The following POF1B variants were observed in gnomAD, a reference collection of about 807,000 sequenced individuals.
POF1B encodes POF1B actin binding protein.
Under a neutral mutation model 55.3 loss-of-function variants are expected in POF1B, and 53 were observed. The observed-to-expected ratio is 0.96, with a 90% CI of 0.77 to 1.20. The LOEUF (loss-of-function observed/expected upper bound fraction) is 1.20. Among genes scored for constraint, POF1B ranks in the 50% most tolerant of loss-of-function variants. The probability of loss-of-function intolerance (pLI) is 0.00; values close to 1 mark genes in which losing one functional copy is unlikely to be tolerated. For missense variants in POF1B, 478 were observed against 420.5 expected (o/e 1.14, Z -1.20); for synonymous variants, 188 against 148.3 (o/e 1.27, Z -1.95).
chrX:85,283,227 C>T (rs190021660), intron 15 of POF1B, among the ~76,000 whole-genome samples: 11 of 110,701 alleles, frequency 9.9e-5, no homozygotes, highest in East Asian at 5.7e-4. Context: ...ATGCAATGGA[C>T]GATACGACTA....
chrX:85,335,241 G>A (rs1468278499), intron 6 of POF1B, among the ~76,000 whole-genome samples: 3 of 111,618 alleles, frequency 2.7e-5, no homozygotes, highest in African/African-American at 9.7e-5. Flanking sequence ...AAGATCTGCT[G>A]TATTAAGATC....
intron 9 of POF1B, among the ~76,000 whole-genome samples, chrX:85,312,937 AT>A (rs751176135): frequency 9.0e-6 from 1 of 111,588 alleles, no homozygotes; most frequent in South Asian, 3.8e-4. Context: ...CTTTGTAGCA[AT>A]TGTGAATGTG....
At chrX:85,359,203 A>G (rs1208690714) in intron 4 of POF1B, among the ~76,000 whole-genome samples, 1 of 111,282 alleles carries the variant, frequency 9.0e-6, no homozygotes, top group Non-Finnish European at 1.9e-5. Flanking sequence ...AGCAGTTGAC[A>G]GAGCTTTTAT....
chrX:85,355,412 T>A (rs1324064367), intron 4 of POF1B, among the ~76,000 whole-genome samples: 7 of 111,007 alleles, frequency 6.3e-5, no homozygotes, highest in Non-Finnish European at 1.1e-4. Context: ...GGACTTCATG[T>A]CTAAAACACC....
At chrX:85,301,755 A>T (rs1334880153) in intron 15 of POF1B, among the ~76,000 whole-genome samples, 1 of 112,175 alleles carries the variant, frequency 8.9e-6, no homozygotes, top group Non-Finnish European at 1.9e-5. Flanking sequence ...AGAACAAAAA[A>T]CATAAGACAT....
In POF1B at chrX:85,280,022, CTAAT is replaced by C. The variant is rs201917405; in HGVS notation, c.1765-600_1765-597del. ...TTAGTAGTAAGTAATTTTCAGCTAA[CTAAT>C]GACCTAACAAAAACAACATTTCAGA... On this transcript the variant is annotated intron_variant, in intron 16 of 16. Transcript: ENST00000262753. Among the ~76,000 whole-genome samples, 764 of 111,073 alleles carry C rather than the reference CTAAT, an allele frequency of 6.9e-3. 5 individuals carry two copies. The highest frequency in any genetic ancestry group is 0.023 in the African/African-American group (721 of 30,682).
chrX:85,349,328 T>C (rs1283232049), intron 5 of POF1B, among the ~76,000 whole-genome samples: 2 of 111,357 alleles, frequency 1.8e-5, no homozygotes, highest in Non-Finnish European at 3.8e-5. Context: ...AAAGCTAGAA[T>C]TTTTTAGTCC....
chrX:85,285,762 G>T (rs1932038329), intron 15 of POF1B, among the ~76,000 whole-genome samples: 1 of 110,667 alleles, frequency 9.0e-6, no homozygotes, highest in Non-Finnish European at 1.9e-5. Context: ...TAACAATCCT[G>T]CACATTGTGC....
intron 15 of POF1B, among the ~76,000 whole-genome samples, chrX:85,291,916 T>G (rs1392215847): frequency 1.8e-5 from 2 of 111,251 alleles, no homozygotes; most frequent in Non-Finnish European, 3.8e-5. Context: ...CTTTATTTCT[T>G]TCTCTTGCCT....
intron 9 of POF1B, among the ~76,000 whole-genome samples, chrX:85,313,875 T>A (rs1449567419): frequency 1.8e-5 from 2 of 110,604 alleles, no homozygotes; most frequent in Non-Finnish European, 3.8e-5. Flanking sequence ...ATTTCAGAAC[T>A]TGTTATTGGT....
chrX:85,341,458 G>C (rs1933170507), intron 6 of POF1B, among the ~76,000 whole-genome samples: 2 of 111,004 alleles, frequency 1.8e-5, no homozygotes, highest in Admixed American at 9.7e-5. Flanking sequence ...TAAAAATAAA[G>C]TTGAGTTTGC....
intron 2 of POF1B, among the ~76,000 whole-genome samples, chrX:85,375,889 T>C (rs1391591754): frequency 8.9e-6 from 1 of 111,779 alleles, no homozygotes; most frequent in Non-Finnish European, 1.9e-5. Context: ...CCTTATAACA[T>C]ATACACTAAA....
At chrX:85,287,880 G>T (rs370254448) in intron 15 of POF1B, among the ~76,000 whole-genome samples, 1 of 110,627 alleles carries the variant, frequency 9.0e-6, no homozygotes, top group African/African-American at 3.3e-5. Flanking sequence ...TATATAAAAA[G>T]GATACTACAT....
At chrX:85,320,067 T>C (rs1182267421) in intron 7 of POF1B, among the ~76,000 whole-genome samples, 1 of 111,376 alleles carries the variant, frequency 9.0e-6, no homozygotes, top group Non-Finnish European at 1.9e-5. Flanking sequence ...TATTGTTCTG[T>C]TCAGGGATTC....
chrX:85,320,421 C>T (rs1414207942), intron 7 of POF1B, among the ~76,000 whole-genome samples: 1 of 110,485 alleles, frequency 9.1e-6, no homozygotes, highest in Admixed American at 9.7e-5. Context: ...ATACCAGAAT[C>T]TCTGGGACAC....
chrX:85,360,713 G>A (rs1404676939), intron 3 of POF1B, among the ~76,000 whole-genome samples: 3 of 107,604 alleles, frequency 2.8e-5, no homozygotes, highest in Non-Finnish European at 5.8e-5. Flanking sequence ...CCAGTAATGG[G>A]ATTGCTGGGT....
intron 6 of POF1B, among the ~76,000 whole-genome samples, chrX:85,342,497 C>A (rs1182720461): frequency 1.8e-5 from 2 of 111,416 alleles, no homozygotes; most frequent in Non-Finnish European, 1.9e-5. Context: ...CATATTTTAT[C>A]TCATTTAATC....
At chrX:85,310,008 C>T (rs1413536536) in intron 9 of POF1B, among the ~76,000 whole-genome samples, 1 of 111,821 alleles carries the variant, frequency 8.9e-6, no homozygotes, top group African/African-American at 3.2e-5. Context: ...ATAGGTAGTG[C>T]ACACACTTTC....
In POF1B at chrX:85,283,227, C is replaced by A. The variant is rs190021660; in HGVS notation, c.1650-910G>T. Among the ~76,000 whole-genome samples, 25 of 110,701 alleles carry A rather than the reference C, an allele frequency of 2.3e-4. No individual in the cohort carries two copies. The East Asian group carries it at 6.6e-3, about 29-fold the overall frequency. ...GAAAAATGAATAGTCATGCAATGGACGATACGACTAATAATGAAGAGAAAT... is the reference window on the plus strand; with the variant it reads ...GAAAAATGAATAGTCATGCAATGGAAGATACGACTAATAATGAAGAGAAAT... On this transcript the variant is annotated intron_variant, in intron 15 of 16. Coordinates refer to ENST00000262753, the MANE Select transcript of POF1B (RefSeq NM_024921.4).
Sources: gnomAD v4.1 joint callset for allele counts (sites outside exome capture counted in the v4.1 genomes callset) on GRCh38, gnomAD v4.1.1 for gene constraint, MANE v1.5 for transcripts, NCBI Gene and HGNC (gene_info 2026-07-23, HGNC 2026-07-21) for gene names.